The following KDM7A variants were observed in gnomAD, a reference collection of about 807,000 sequenced individuals.
The protein encoded by KDM7A is lysine demethylase 7A, also known as lysine-specific demethylase 7A.
KDM7A carries 28 observed loss-of-function variants against 114.8 expected under a neutral mutation model. That is an observed-to-expected ratio of 0.24 (90% confidence interval 0.18 to 0.33). KDM7A has a LOEUF of 0.33. Among genes scored for constraint, KDM7A ranks in the 10% least tolerant of loss-of-function variants. The pLI is 1.00. For synonymous variants in KDM7A, 423 were observed against 397.8 expected (o/e 1.06, Z -0.75); for missense variants, 942 against 1,142.5 (o/e 0.82, Z 2.53).
At chr7:140,160,379 G>T (rs1005881287) in intron 1 of KDM7A, among the ~76,000 whole-genome samples, 1 of 152,184 alleles carries the variant, frequency 6.6e-6, no homozygotes, top group African/African-American at 2.4e-5. Flanking sequence ...GCTTGTATCA[G>T]GGTCTTTCTT....
intron 3 of KDM7A, among the ~76,000 whole-genome samples, chr7:140,131,618 A>G (rs578045606): frequency 6.6e-6 from 1 of 152,214 alleles, no homozygotes; most frequent in African/African-American, 2.4e-5. Context: ...GCTCTGTATT[A>G]CCTCTTAGTT....
intron 1 of KDM7A, among the ~76,000 whole-genome samples, chr7:140,162,337 CAA>C (rs57973867): frequency 1.3e-3 from 177 of 133,240 alleles, no homozygotes; most frequent in Admixed American, 1.8e-3. Flanking sequence ...CTCAGTCTCC[CAA>C]AAAAAAAAAA....
In KDM7A at chr7:140,126,739, G is replaced by A; in HGVS notation, c.786C>T (p.Pro262=). 1 of 1,613,842 alleles carries A rather than the reference G, an allele frequency of 6.2e-7. No individual in the cohort carries two copies. ...ENYWPDDSVF[P]KPFVQKYCLM... The stretch of plus-strand genomic sequence containing the variant: ...AGCAATATTTCTGAACAAATGGCTT[G>A]GGAAAGACTGAATCATCTGGCCAAT... The change falls in exon 6 of 20, where the codon CCC becomes CCT. Residue 262 remains proline (P), a synonymous_variant. Coordinates refer to ENST00000397560, the MANE Select transcript of KDM7A (RefSeq NM_030647.2).
At chr7:140,112,748 C>A (rs1283637052) in intron 10 of KDM7A, among the ~76,000 whole-genome samples, 1 of 152,138 alleles carries the variant, frequency 6.6e-6, no homozygotes, top group Admixed American at 6.5e-5. Flanking sequence ...CAAGAGCTCA[C>A]AGACCCAGTT....
chr7:140,107,173 C>T (rs562223695), intron 11 of KDM7A, among the ~76,000 whole-genome samples: 12 of 152,118 alleles, frequency 7.9e-5, no homozygotes, highest in African/African-American at 1.7e-4. Context: ...TGTCTCTGCA[C>T]GTCAGATGGG....
rs1477104656 is a variant in KDM7A at position 140,129,423 on chromosome 7, A to T, written c.559+70T>A. On this transcript the variant is annotated intron_variant, in intron 4 of 19. Transcript: ENST00000397560. ...ATTGACATTTCTTCATTTAACCATT[A>T]ATATTACCAGGACTATCATTTTTAC... 1.5e-5 allele frequency: 18 copies of T among 1,219,046 alleles called. No homozygotes were observed. In the East Asian group the frequency reaches 4.2e-4, roughly 28 times the overall value. 75.5% of individuals were successfully genotyped at this position (1,219,046 alleles called of 1,614,324 possible).
At chr7:140,113,669 C>A in intron 9 of KDM7A, 87 bp from the exon 10 acceptor site, 5 of 605,276 alleles carry the variant, frequency 8.3e-6, no homozygotes, top group South Asian at 2.3e-5. Flanking sequence ...GAGTAGCCAC[C>A]AAATATAAAA....
chr7:140,133,269 C>A (rs1227820946), intron 3 of KDM7A, among the ~76,000 whole-genome samples: 2 of 152,158 alleles, frequency 1.3e-5, no homozygotes, highest in Non-Finnish European at 2.9e-5. Context: ...ACTTTTTGGA[C>A]TGTGGCCCAC....
At chr7:140,094,027 C>G in intron 18 of KDM7A, 29 bp downstream of exon 18, 1 of 1,277,396 alleles carries the variant, frequency 7.8e-7, no homozygotes, top group Non-Finnish European at 1.1e-6. Flanking sequence ...TTTTAAATCT[C>G]CTTTTAACGT....
chr7:140,142,117 C>T (rs1794290292), intron 1 of KDM7A, among the ~76,000 whole-genome samples: 1 of 142,082 alleles, frequency 7.0e-6, no homozygotes, highest in Non-Finnish European at 1.6e-5. Flanking sequence ...TTTGCTATCT[C>T]ATAAAAATGT....
chr7:140,110,523 T>C (rs1818413461), intron 11 of KDM7A, among the ~76,000 whole-genome samples: 3 of 152,170 alleles, frequency 2.0e-5, no homozygotes, highest in African/African-American at 7.2e-5. Flanking sequence ...TAATTTCCTC[T>C]CAATTTAAGC....
chr7:140,121,726 T>C (rs1435116187), intron 7 of KDM7A, among the ~76,000 whole-genome samples: 2 of 152,220 alleles, frequency 1.3e-5, no homozygotes, highest in Non-Finnish European at 2.9e-5. Context: ...CAAATTTTCC[T>C]GCGCATTCAT....
In KDM7A at chr7:140,085,676, T is replaced by G. The variant is rs1223671796; in HGVS notation, c.*5418A>C. On this transcript the variant is annotated 3_prime_UTR_variant, in exon 20 of 20. Transcript: ENST00000397560. ...GAAAAATTGAGGTTATAGCTTTTGA[T>G]TCAGTCTAACCATAAACTGTAAGGC... 1 of 152,232 alleles carries G rather than the reference T, an allele frequency of 6.6e-6. No homozygotes were observed. The highest frequency in any genetic ancestry group is 6.5e-5 in the Admixed American group (1 of 15,286). 9.4% of individuals were successfully genotyped at this position (152,232 alleles called of 1,614,324 possible). A position where few individuals can be genotyped will look rare whatever the true frequency, so the allele number is the denominator to read the frequency against.
chr7:140,107,672 T>C (rs1272556787), intron 11 of KDM7A, among the ~76,000 whole-genome samples: 1 of 152,236 alleles, frequency 6.6e-6, no homozygotes, highest in Non-Finnish European at 1.5e-5. Flanking sequence ...CCTTTGTGGG[T>C]AACCCGACCT....
chr7:140,152,089 C>T (rs910349640), intron 1 of KDM7A, among the ~76,000 whole-genome samples: 3 of 152,144 alleles, frequency 2.0e-5, no homozygotes, highest in African/African-American at 7.2e-5. Flanking sequence ...TCAGTGCCTG[C>T]ATCTAAGGGG....
At chr7:140,131,210 T>C (rs996385154) in intron 3 of KDM7A, among the ~76,000 whole-genome samples, 8 of 152,058 alleles carry the variant, frequency 5.3e-5, no homozygotes, top group South Asian at 4.1e-4. Context: ...CCAAGAATGG[T>C]TGGATCTCCA....
intron 8 of KDM7A, among the ~76,000 whole-genome samples, chr7:140,119,524 A>G (rs1818585175): frequency 1.3e-5 from 2 of 152,346 alleles, no homozygotes; most frequent in South Asian, 4.1e-4. Flanking sequence ...ACAATAAATA[A>G]AACTGTGTGT....
chr7:140,147,995 A>C (rs1020411156), intron 1 of KDM7A, among the ~76,000 whole-genome samples: 1 of 152,192 alleles, frequency 6.6e-6, no homozygotes, highest in Non-Finnish European at 1.5e-5. Flanking sequence ...AGCCTATAGT[A>C]AGCAATGGCA....
intron 9 of KDM7A, among the ~76,000 whole-genome samples, 199 bp downstream of exon 9, chr7:140,118,914 A>C (rs951190076): frequency 9.2e-5 from 14 of 152,274 alleles, no homozygotes; most frequent in Non-Finnish European, 5.9e-5. Flanking sequence ...TTTTAAGAAC[A>C]TGGATTGTCA....
Sources: allele counts gnomAD v4.1 joint callset (sites outside exome capture counted in the v4.1 genomes callset), GRCh38; gene constraint gnomAD v4.1.1; transcripts MANE v1.5; gene names NCBI Gene and HGNC (gene_info 2026-07-23, HGNC 2026-07-21).